The following TTN variants were observed in gnomAD, a reference collection of about 807,000 sequenced individuals.
TTN encodes the protein titin.
A neutral mutation model predicts 3,223.0 loss-of-function variants in TTN; 1,525 were observed. The observed-to-expected ratio is 0.47, with a 90% confidence interval of 0.45 to 0.49. TTN has a LOEUF of 0.49. TTN is among the 20% of genes least tolerant of loss of function. TTN has a pLI of 0.00. For missense variants in TTN, 40,786 were observed against 43,424.0 expected (o/e 0.94, Z 5.40); for synonymous variants, 14,094 against 15,161.0 (o/e 0.93, Z 5.17).
rs920299450 is a variant in TTN, at chr2:178,578,846, T to C, written c.68184A>G (p.Glu22728=). 1 of 1,612,218 alleles carries C rather than the reference T, an allele frequency of 6.2e-7. No individual in the cohort carries two copies. The highest frequency in any genetic ancestry group is 8.5e-7 in the Non-Finnish European group (1 of 1,178,838). Residue 22728 remains glutamate, a synonymous_variant, in exon 320 of 363, where the codon GAA becomes GAG. Transcript: ENST00000589042. ...VSAENKYGVG[E]GLKSEPIVAR... The stretch of plus-strand genomic sequence containing the variant: ...CAACAATTGGCTCCGATTTCAGGCC[T>C]TCCCCTACACCATATTTATTTTCGG...
chr2:178,557,683 A>G lies in TTN; in HGVS notation c.87671T>C (p.Ile29224Thr), dbSNP rs878915392. ...TTTGACAGTCACACAAGCTGAATCTATATGATCACTGATGCCAAAGCGGTT... is the reference window on the plus strand; with the variant it reads ...TTTGACAGTCACACAAGCTGAATCTGTATGATCACTGATGCCAAAGCGGTT... ...AENRFGISDHIDSACVTVKLP... is the reference protein window; with the variant it reads ...AENRFGISDHTDSACVTVKLP... Residue 29224 changes from isoleucine to threonine, a missense_variant, in exon 328 of 363, where the codon ATA becomes ACA. Coordinates refer to ENST00000589042, the MANE Select transcript of TTN (RefSeq NM_001267550.2). The G allele has an allele frequency of 4.3e-6, 7 of 1,613,858 alleles. No homozygotes were observed. In the African/African-American group the frequency reaches 5.3e-5, roughly 12 times the overall value.
Position 178,567,172 on chromosome 2 carries a change from A to C in TTN, c.78960T>G (p.Ser26320=). 6.2e-7 allele frequency: 1 copy of C among 1,613,402 alleles called. No homozygotes were observed. The highest frequency in any genetic ancestry group is 8.5e-7 in the Non-Finnish European group (1 of 1,179,510). ...TTTCTCGCTTTTCAACAACATAGTG[A>C]GAAATGTCACTGCCACCATCTTGAA... is the stretch of plus-strand genomic sequence containing the variant. ...PPLQDGGSDI[S]HYVVEKRETS... is the part of the protein sequence containing the mutation. The change falls in exon 326 of 363, where the codon TCT becomes TCG. Residue 26320 remains serine (S), a synonymous_variant. Transcript: ENST00000589042.
Position 178,608,321 on chromosome 2 carries a change from T to C in TTN, c.52562A>G (p.Lys17521Arg). The C allele has an allele frequency of 3.1e-6, 5 of 1,612,466 alleles. No individual in the cohort carries two copies. The highest frequency in any genetic ancestry group is 1.7e-4 in the Middle Eastern group (1 of 6,050). ...VNSTHWSRVN[K>R]SLLNALKANV... ...GGCTTTCAAGGCATTCAGAAGGCTT[T>C]TGTTGACACGAGACCAATGTGTACT... Residue 17521 changes from lysine to arginine, a missense_variant, in exon 275 of 363, where the codon AAA (lysine) becomes AGA (arginine). Lys to Arg is a conservative substitution (Grantham distance 26). Transcript: ENST00000589042.
intron 217 of TTN, 158 bp downstream of exon 217, chr2:178,645,762 T>C (rs1028405287): frequency 7.1e-6 from 3 of 421,082 alleles, no homozygotes; most frequent in African/African-American, 2.1e-5. Flanking sequence ...CCAGGAACCA[T>C]GGGGCAGCAG....
chr2:178,767,838 G>C lies in TTN; in HGVS notation c.9392C>G (p.Ala3131Gly). 6.2e-7 allele frequency: 1 copy of C among 1,614,094 alleles called. No individual in the cohort carries two copies. The highest frequency in any genetic ancestry group is 8.5e-7 in the Non-Finnish European group (1 of 1,179,990). The change falls in exon 40 of 363, where the codon GCA (alanine) becomes GGA (glycine). Residue 3131 changes from alanine to glycine, a missense_variant. Ala to Gly is a moderately conservative substitution (Grantham distance 60). Coordinates refer to ENST00000589042, the MANE Select transcript of TTN (RefSeq NM_001267550.2). ...TTTTGCAGTTGACACGTTGCCTCCT[G>C]CCACCACTGTGTACTTCCCAGCATC... Reference protein sequence around the residue: ...MSDAGKYTVVAGGNVSTAKLF... With the variant: ...MSDAGKYTVVGGGNVSTAKLF...
At chr2:178,693,054 C>A (rs947212611) in intron 119 of TTN, among the ~76,000 whole-genome samples, 1 of 151,852 alleles carries the variant, frequency 6.6e-6, no homozygotes, top group Non-Finnish European at 1.5e-5. Context: ...TCCCTCCCAC[C>A]CTGGCTGTCA....
Position 178,595,828 on chromosome 2 carries a change from T to C in TTN, c.57545-19A>G. 6.4e-7 allele frequency: 1 copy of C among 1,565,504 alleles called. No individual in the cohort carries two copies. The highest frequency in any genetic ancestry group is 8.7e-7 in the Non-Finnish European group (1 of 1,155,610). The stretch of plus-strand genomic sequence containing the variant: ...GGAACATCTGGAAATAAGAAGAAAA[T>C]AATTCAAGCTGTTTGCCTTCAATGA... On this transcript the variant is annotated intron_variant, in intron 294 of 362. Transcript: ENST00000589042.
At chr2:178,733,982 T>G in intron 52 of TTN, 90 bp from the exon 53 acceptor site, 1 of 1,256,906 alleles carries the variant, frequency 8.0e-7, no homozygotes, top group Non-Finnish European at 1.1e-6. Flanking sequence ...AGATTATATT[T>G]ATCTTGTCCC....
At position 178,602,077 on chromosome 2, in the gene TTN, A is replaced by T. The variant is rs1291272938; in HGVS notation, c.55194T>A (p.Ile18398=). 6.2e-7 allele frequency: 1 copy of T among 1,612,648 alleles called. No homozygotes were observed. Among genetic ancestry groups the T allele is most frequent in the Non-Finnish European group, 8.5e-7 (1 of 1,179,236 alleles). Residue 18398 remains isoleucine, a synonymous_variant, in exon 284 of 363, where the codon ATT becomes ATA. Transcript: ENST00000589042. The stretch of plus-strand genomic sequence containing the variant: ...TTGGGCGTCCCTTGATGACAGCAGG[A>T]ATCCTAATCTGTGAGCCAGCTTTAC... ...LVCKAGSQIR[I]PAVIKGRPTP... is the part of the protein sequence containing the mutation.
intron 9 of TTN, among the ~76,000 whole-genome samples, 153 bp downstream of exon 9, chr2:178,793,251 A>G (rs1276384829): frequency 6.6e-6 from 1 of 152,220 alleles, no homozygotes; most frequent in Non-Finnish European, 1.5e-5. Context: ...TTTGGTATCC[A>G]GTACCCAGAA....
chr2:178,744,377 C>T (rs2083059909), intron 47 of TTN: 1 of 984,300 alleles, frequency 1.0e-6, no homozygotes, highest in Admixed American at 6.2e-5. Context: ...CCTCTAAGGT[C>T]TTTTGGTCCT....
chr2:178,769,940 C>G lies in TTN; in HGVS notation c.8642-1G>C, dbSNP rs2091224650. 1.2e-6 allele frequency: 2 copies of G among 1,613,930 alleles called. No individual in the cohort carries two copies. The highest frequency in any genetic ancestry group is 1.7e-6 in the Non-Finnish European group (2 of 1,180,000). On this transcript the variant is annotated splice_acceptor_variant, in intron 36 of 362. Coordinates refer to ENST00000589042, the MANE Select transcript of TTN (RefSeq NM_001267550.2). LOFTEE classifies it high-confidence loss of function. ...TTCATGGTTTTTGTAATATGTAATG[C>G]TTGGTAAAATCAAAGAGCACTTCAG...
At chr2:178,755,301 T>C (rs2086611212) in intron 46 of TTN, among the ~76,000 whole-genome samples, 1 of 152,210 alleles carries the variant, frequency 6.6e-6, no homozygotes, top group African/African-American at 2.4e-5. Context: ...AATTGTGATC[T>C]TGCCATGAGA....
Position 178,750,184 on chromosome 2 carries a change from A to G in TTN, c.11311+2940T>C, listed in dbSNP as rs1377911135. On this transcript the variant is annotated intron_variant, in intron 47 of 362. Coordinates refer to ENST00000589042, the MANE Select transcript of TTN (RefSeq NM_001267550.2). The stretch of plus-strand genomic sequence containing the variant: ...GATTTGTTTGGCCCTCTTGACTCAT[A>G]GATGGATGGGCGCCTTTTGCTTGGT... 1.9e-6 allele frequency: 3 copies of G among 1,613,112 alleles called. No homozygotes were observed. In the African/African-American group the frequency reaches 4.0e-5, roughly 22 times the overall value.
At position 178,617,467 on chromosome 2, in the gene TTN, T is replaced by C. The variant is rs1344484833; in HGVS notation, c.47618A>G (p.Gln15873Arg). ...TTCCCATTTGAGCTGAACTGATGAC[T>C]GAGTCTGATCTGAGGAAGTTAGGTT... ...PVNLTSSDQT[Q>R]SSVQLKWEPP... Residue 15873 changes from glutamine (Q) to arginine (R), a missense_variant, in exon 254 of 363, where the codon CAG becomes CGG. Coordinates refer to ENST00000589042, the MANE Select transcript of TTN (RefSeq NM_001267550.2). 1.3e-6 allele frequency: 2 copies of C among 1,599,654 alleles called. No individual in the cohort carries two copies. The highest frequency in any genetic ancestry group is 1.7e-6 in the Non-Finnish European group (2 of 1,175,518).
intron 150 of TTN, 54 bp from the exon 151 acceptor site, chr2:178,674,463 G>A: frequency 9.3e-7 from 1 of 1,070,718 alleles, no homozygotes; most frequent in Non-Finnish European, 1.3e-6. Context: ...TTGAATATTA[G>A]ACTACAGTGA....
In TTN at chr2:178,526,419, C is replaced by G. The variant is rs2154129378; in HGVS notation, c.*593G>C. On this transcript the variant is annotated 3_prime_UTR_variant, in exon 363 of 363. Transcript: ENST00000589042. ...AAAGTGTTGGCCGTTACACTTTGCT[C>G]TGGTAATATTTGTCATGATAATTTT... The G allele has an allele frequency of 6.5e-6, 1 of 152,734 alleles. No homozygotes were observed. The highest frequency in any genetic ancestry group is 1.9e-4 in the East Asian group (1 of 5,188). The allele number at this position is 152,734 out of a possible 1,614,324, so 9.5% of individuals were successfully genotyped here.
At chr2:178,699,130 T>A (rs986357939) in intron 111 of TTN, among the ~76,000 whole-genome samples, 6 of 151,980 alleles carry the variant, frequency 3.9e-5, no homozygotes, top group African/African-American at 1.4e-4. Flanking sequence ...TGTACTGTGA[T>A]CTTACATCTT....
At chr2:178,638,384 TA>T (rs1424266851) in intron 223 of TTN, among the ~76,000 whole-genome samples, 1 of 151,080 alleles carries the variant, frequency 6.6e-6, no homozygotes, top group Non-Finnish European at 1.5e-5. Flanking sequence ...TAAAATAATA[TA>T]ATTTTTCCAA....
Sources: allele counts gnomAD v4.1 joint callset (sites outside exome capture counted in the v4.1 genomes callset), GRCh38; gene constraint gnomAD v4.1.1; transcripts MANE v1.5; gene names NCBI Gene and HGNC (gene_info 2026-07-23, HGNC 2026-07-21).